MEI1: variants seen among roughly 807,000 people sequenced by gnomAD.
The protein encoded by MEI1 is meiosis inhibitor protein 1.
MEI1 carries 103 observed loss-of-function variants against 146.2 expected under a neutral mutation model. The ratio of observed to expected loss-of-function variants is 0.70; its 90% CI spans 0.60 to 0.83. MEI1 has a LOEUF of 0.83. Among genes scored for constraint, MEI1 ranks in the 40% least tolerant of loss-of-function variants. The probability of loss-of-function intolerance (pLI) is 0.00; values close to 1 mark genes in which losing one functional copy is unlikely to be tolerated. For synonymous variants in MEI1, 652 were observed against 628.2 expected (o/e 1.04, Z -0.57); for missense variants, 1,529 against 1,533.0 (o/e 1.00, Z 0.04).
At chr22:41,763,406 A>G (rs1175897501) in intron 19 of MEI1, 85 bp downstream of exon 19, 4 of 1,481,570 alleles carry the variant, frequency 2.7e-6, no homozygotes, top group South Asian at 1.3e-5. Flanking sequence ...ATGATAGTGT[A>G]TAGACAAGCG....
intron 21 of MEI1, among the ~76,000 whole-genome samples, chr22:41,778,200 C>G (rs2075567173): frequency 6.6e-6 from 1 of 152,174 alleles, no homozygotes; most frequent in South Asian, 2.1e-4. Context: ...AGGGAGGGAG[C>G]TCCTCGCAGT....
Position 41,703,710 on chromosome 22 carries a change from G to T in MEI1, c.298+256G>T, listed in dbSNP as rs377185935. Among the ~76,000 whole-genome samples the T allele has an allele frequency of 1.2e-4, 18 of 152,282 alleles. No individual in the cohort carries two copies. The South Asian group carries it at 2.7e-3, about 23-fold the overall frequency. On this transcript the variant is annotated intron_variant, in intron 2 of 30. Transcript: ENST00000401548. ...TGAAAATGGGAAATGTTGGCCGGGC[G>T]TGGTGGCTCATGCCTGTAGTCCCAG...
chr22:41,702,724 C>T (rs750878732), intron 1 of MEI1, among the ~76,000 whole-genome samples: 1 of 151,784 alleles, frequency 6.6e-6, no homozygotes, highest in Non-Finnish European at 1.5e-5. Context: ...GGATTACAGG[C>T]GTGAGCCACC....
chr22:41,734,052 T>A (rs1601814446), intron 11 of MEI1, among the ~76,000 whole-genome samples: 1 of 151,932 alleles, frequency 6.6e-6, no homozygotes, highest in East Asian at 1.9e-4. Context: ...TGCTTGAACC[T>A]GGGAGGCGGA....
At chr22:41,714,393 G>A (rs1056858221) in intron 4 of MEI1, among the ~76,000 whole-genome samples, 2 of 152,096 alleles carry the variant, frequency 1.3e-5, no homozygotes, top group African/African-American at 4.8e-5. Flanking sequence ...TGATGAAGTT[G>A]TCAAGGAAAT....
At chr22:41,723,189 A>G (rs1003792107) in intron 6 of MEI1, among the ~76,000 whole-genome samples, 1 of 149,652 alleles carries the variant, frequency 6.7e-6, no homozygotes, top group African/African-American at 2.5e-5. Context: ...ATCATTTATC[A>G]CAATTATAAG....
chr22:41,788,094 A>G (rs2076054131), intron 26 of MEI1, among the ~76,000 whole-genome samples: 2 of 150,752 alleles, frequency 1.3e-5, no homozygotes, highest in South Asian at 4.2e-4. Context: ...GCAGTGGTGC[A>G]ATCCCAGCTC....
intron 26 of MEI1, among the ~76,000 whole-genome samples, chr22:41,789,379 G>C (rs1277068181): frequency 6.6e-6 from 1 of 152,148 alleles, no homozygotes; most frequent in East Asian, 1.9e-4. Flanking sequence ...GTCCAGGCTG[G>C]TCTTGACCTC....
At chr22:41,793,944 G>T in intron 27 of MEI1, 34 bp downstream of exon 27, 5 of 1,580,022 alleles carry the variant, frequency 3.2e-6, no homozygotes, top group Non-Finnish European at 4.3e-6. Context: ...ATGTTCCCAT[G>T]AGAGAGATTA....
intron 6 of MEI1, 141 bp downstream of exon 6, chr22:41,718,415 C>A: frequency 1.4e-6 from 1 of 712,268 alleles, no homozygotes; most frequent in Non-Finnish European, 2.3e-6. Context: ...AGATAAGAGA[C>A]ACACTGTGTG....
intron 17 of MEI1, among the ~76,000 whole-genome samples, chr22:41,755,869 C>T (rs892191372): frequency 4.6e-5 from 7 of 152,140 alleles, no homozygotes; most frequent in Admixed American, 2.6e-4. Flanking sequence ...GGGACATGCG[C>T]TATCCTCACC....
At chr22:41,704,064 G>A (rs532836975) in intron 2 of MEI1, among the ~76,000 whole-genome samples, 2 of 152,132 alleles carry the variant, frequency 1.3e-5, no homozygotes, top group Non-Finnish European at 2.9e-5. Context: ...GCTGACCTAG[G>A]TATGACCCTG....
At chr22:41,779,115 A>G (rs1260061817) in intron 22 of MEI1, among the ~76,000 whole-genome samples, 2 of 152,020 alleles carry the variant, frequency 1.3e-5, no homozygotes, top group Non-Finnish European at 2.9e-5. Context: ...GTTTGAAGCC[A>G]GGAGTTCAAG....
At chr22:41,765,692 C>G (rs2074801194) in intron 19 of MEI1, among the ~76,000 whole-genome samples, 1 of 151,762 alleles carries the variant, frequency 6.6e-6, no homozygotes, top group Non-Finnish European at 1.5e-5. Context: ...TTCTTTTTTT[C>G]TGAACCACTT....
intron 22 of MEI1, among the ~76,000 whole-genome samples, chr22:41,779,205 T>C (rs1400413267): frequency 6.6e-6 from 1 of 151,802 alleles, no homozygotes; most frequent in African/African-American, 2.4e-5. Context: ...CCTAGCACTT[T>C]GGGAGGCTGA....
At chr22:41,702,572 A>G (rs1177082956) in intron 1 of MEI1, among the ~76,000 whole-genome samples, 4 of 151,608 alleles carry the variant, frequency 2.6e-5, no homozygotes, top group Admixed American at 6.6e-5. Context: ...CAGCCTCCCA[A>G]TTAGCTGGGG....
At chr22:41,753,925 ATTC>A (rs763051440) in intron 16 of MEI1, 21 bp from the exon 17 acceptor site, 1 of 1,506,084 alleles carries the variant, frequency 6.6e-7, no homozygotes, top group Admixed American at 1.7e-5. Context: ...CATCTCTTCT[ATTC>A]TTTCTTCTTC....
intron 11 of MEI1, among the ~76,000 whole-genome samples, chr22:41,738,283 T>C (rs1482137211): frequency 6.6e-6 from 1 of 152,106 alleles, no homozygotes; most frequent in Non-Finnish European, 1.5e-5. Flanking sequence ...TGAAACCCCA[T>C]CTTTACTAAA....
chr22:41,730,276 G>A (rs1601792115), intron 8 of MEI1, among the ~76,000 whole-genome samples: 1 of 152,138 alleles, frequency 6.6e-6, no homozygotes, highest in Admixed American at 6.6e-5. Flanking sequence ...CTCTACTTCC[G>A]CCACTAATAG....
Sources: allele counts gnomAD v4.1 joint callset (sites outside exome capture counted in the v4.1 genomes callset), GRCh38; gene constraint gnomAD v4.1.1; transcripts MANE v1.5; gene names NCBI Gene and HGNC (gene_info 2026-07-23, HGNC 2026-07-21).